SPSB4: variants seen among roughly 807,000 people sequenced by gnomAD.
SPSB4 encodes SPRY domain-containing SOCS box protein 4.
SPSB4 carries 21 observed loss-of-function variants against 20.9 expected under a neutral mutation model. The ratio of observed to expected loss-of-function variants is 1.01; its 90% CI spans 0.71 to 1.45. The LOEUF (loss-of-function observed/expected upper bound fraction) is 1.45, where lower values mean the gene tolerates loss of function less well. Ranked by LOEUF, SPSB4 falls within the 40% of genes most tolerant of loss-of-function variation. The pLI is 0.00. For synonymous variants in SPSB4, 207 were observed against 183.8 expected (o/e 1.13, Z -1.02); for missense variants, 399 against 399.2 (o/e 1.00, Z 0.00).
At chr3:141,144,626 C>T (rs1240830560) in intron 2 of SPSB4, among the ~76,000 whole-genome samples, 2 of 152,172 alleles carry the variant, frequency 1.3e-5, no homozygotes, top group East Asian at 1.9e-4. Context: ...CTCAGAAGTT[C>T]GGAGAGATGA....
intron 2 of SPSB4, among the ~76,000 whole-genome samples, chr3:141,130,444 G>A (rs1939115170): frequency 6.6e-6 from 1 of 152,156 alleles, no homozygotes; most frequent in African/African-American, 2.4e-5. Flanking sequence ...GCACATGTGT[G>A]TGTCTCCTCC....
intron 2 of SPSB4, among the ~76,000 whole-genome samples, chr3:141,078,470 C>T (rs913638808): frequency 2.6e-5 from 4 of 152,154 alleles, no homozygotes; most frequent in African/African-American, 9.7e-5. Flanking sequence ...TTCCCAGGAA[C>T]CGGTTGGGGA....
chr3:141,130,342 G>T (rs1018052207), intron 2 of SPSB4, among the ~76,000 whole-genome samples: 1 of 152,168 alleles, frequency 6.6e-6, no homozygotes. Flanking sequence ...AGTCTCAGGG[G>T]CATGAAAGCA....
chr3:141,137,298 T>A (rs935624963), intron 2 of SPSB4, among the ~76,000 whole-genome samples: 3 of 152,240 alleles, frequency 2.0e-5, no homozygotes, highest in Non-Finnish European at 4.4e-5. Context: ...AGGGACAATT[T>A]GACTTCCTCT....
intron 2 of SPSB4, among the ~76,000 whole-genome samples, chr3:141,131,613 C>T (rs957937586): frequency 6.6e-6 from 1 of 152,170 alleles, no homozygotes; most frequent in Admixed American, 6.5e-5. Flanking sequence ...CTTTTTCTCA[C>T]TCAAAGTTAT....
At chr3:141,134,056 C>CTTTTTTTTTTTTTTTTTTTTTT (rs1222303281) in intron 2 of SPSB4, among the ~76,000 whole-genome samples, 18 of 61,628 alleles carry the variant, frequency 2.9e-4, no homozygotes, top group Admixed American at 6.7e-4. Flanking sequence ...TTTCTTTTTT[C>CTTTTTTTTTTTTTTTTTTTTTT]TTTTTTTTTT....
intron 2 of SPSB4, among the ~76,000 whole-genome samples, chr3:141,116,868 C>T (rs1358506846): frequency 1.3e-5 from 2 of 152,178 alleles, no homozygotes; most frequent in African/African-American, 4.8e-5. Context: ...TTCCCAAGGC[C>T]TCTGCTTCTG....
intron 2 of SPSB4, among the ~76,000 whole-genome samples, chr3:141,091,358 C>T (rs1003414999): frequency 6.6e-6 from 1 of 152,210 alleles, no homozygotes; most frequent in African/African-American, 2.4e-5. Context: ...ATTAGTGAGA[C>T]AGTCCATGTA....
intron 2 of SPSB4, among the ~76,000 whole-genome samples, chr3:141,135,338 TTTA>T (rs56836958): frequency 2.9e-4 from 43 of 148,740 alleles, no homozygotes; most frequent in Non-Finnish European, 3.3e-4. Flanking sequence ...CAGTTTTTCT[TTTA>T]TTATTATTAT....
chr3:141,058,035 C>T (rs1303035100), intron 1 of SPSB4, among the ~76,000 whole-genome samples: 1 of 152,130 alleles, frequency 6.6e-6, no homozygotes, highest in African/African-American at 2.4e-5. Flanking sequence ...AGGAGACTTG[C>T]CCCCACCTCT....
intron 2 of SPSB4, among the ~76,000 whole-genome samples, chr3:141,081,406 A>C (rs1299710623): frequency 6.6e-6 from 1 of 152,176 alleles, no homozygotes; most frequent in Non-Finnish European, 1.5e-5. Context: ...TGTTTCTGCC[A>C]TGGGACTTCT....
intron 2 of SPSB4, among the ~76,000 whole-genome samples, chr3:141,082,813 T>A (rs1032357261): frequency 2.0e-5 from 3 of 152,216 alleles, no homozygotes; most frequent in Admixed American, 2.0e-4. Flanking sequence ...GCTCAAAGCG[T>A]CCCTTTCAGA....
intron 2 of SPSB4, among the ~76,000 whole-genome samples, chr3:141,118,365 A>C (rs1938913527): frequency 6.6e-6 from 1 of 151,984 alleles, no homozygotes; most frequent in African/African-American, 2.4e-5. Context: ...AATTTGTTTA[A>C]GTTCTTTGTA....
At chr3:141,080,258 T>G (rs1938204488) in intron 2 of SPSB4, 1 of 152,228 alleles carries the variant, frequency 6.6e-6, no homozygotes, top group Admixed American at 6.5e-5. Flanking sequence ...TGAACCTCCA[T>G]CTTGTGCTTT....
chr3:141,053,529 T>G (rs1057142853), intron 1 of SPSB4, among the ~76,000 whole-genome samples: 1 of 152,100 alleles, frequency 6.6e-6, no homozygotes, highest in Non-Finnish European at 1.5e-5. Flanking sequence ...TCAAAAGATA[T>G]ATGACAAACT....
At chr3:141,112,857 C>T (rs1424134038) in intron 2 of SPSB4, among the ~76,000 whole-genome samples, 4 of 152,028 alleles carry the variant, frequency 2.6e-5, no homozygotes, top group South Asian at 2.1e-4. Flanking sequence ...AGGAGCTTTC[C>T]AGGGCCTCTC....
At chr3:141,107,213 G>A (rs1280173758) in intron 2 of SPSB4, among the ~76,000 whole-genome samples, 7 of 152,354 alleles carry the variant, frequency 4.6e-5, no homozygotes, top group South Asian at 2.1e-4. Flanking sequence ...GGCAGGTGAC[G>A]GATGCTGGAG....
chr3:141,125,105 C>T (rs1559854459), intron 2 of SPSB4, among the ~76,000 whole-genome samples: 1 of 152,082 alleles, frequency 6.6e-6, no homozygotes, highest in African/African-American at 2.4e-5. Flanking sequence ...AAAAATGTCT[C>T]GACTTCCAGG....
intron 2 of SPSB4, among the ~76,000 whole-genome samples, chr3:141,145,225 T>A (rs1471555418): frequency 7.0e-6 from 1 of 142,722 alleles, no homozygotes; most frequent in African/African-American, 2.6e-5. Context: ...TACAAAAAAT[T>A]AAAAAAAAAA....
Sources: allele counts gnomAD v4.1 joint callset (sites outside exome capture counted in the v4.1 genomes callset), GRCh38; gene constraint gnomAD v4.1.1; transcripts MANE v1.5; gene names NCBI Gene and HGNC (gene_info 2026-07-23, HGNC 2026-07-21).